Variants in FLVCR1 observed in about 807,000 individuals in gnomAD.
The protein encoded by FLVCR1 is choline/ethanolamine transporter FLVCR1.
FLVCR1 carries 34 observed loss-of-function variants against 53.6 expected under a neutral mutation model. The observed-to-expected ratio is 0.63, with a 90% CI of 0.48 to 0.84. The LOEUF (loss-of-function observed/expected upper bound fraction) is 0.84, where lower values mean the gene tolerates loss of function less well. FLVCR1 is among the 40% of genes least tolerant of loss of function. FLVCR1 has a pLI of 0.00. For missense variants in FLVCR1, 677 were observed against 696.7 expected, an observed-to-expected ratio of 0.97 and a Z score of 0.32; for synonymous variants, 300 against 286.3, an observed-to-expected ratio of 1.05 and a Z score of -0.48.
At chr1:212,882,952 T>A (rs1328860072) in intron 3 of FLVCR1, among the ~76,000 whole-genome samples, 2 of 152,168 alleles carry the variant, frequency 1.3e-5, no homozygotes, top group Non-Finnish European at 2.9e-5. Context: ...AAGTCTTTGA[T>A]ACAAAAAGGT....
Position 212,896,130 on chromosome 1 carries a change from C to CT in FLVCR1, c.*841dup, listed in dbSNP as rs1490260817. 7.0e-6 allele frequency: 1 copy of CT among 142,672 alleles called. No homozygotes were observed. The highest frequency in any genetic ancestry group is 6.8e-5 in the Admixed American group (1 of 14,694). 8.8% of individuals were successfully genotyped at this position (142,672 alleles called of 1,614,324 possible). The stretch of plus-strand genomic sequence containing the variant: ...CATTGCCTTTTTTTTCTTTTAAACT[C>CT]TCTTTTTTTTTTTTTCCTGATGTGT... On this transcript the variant is annotated 3_prime_UTR_variant, in exon 10 of 10. Transcript: ENST00000366971.
intron 5 of FLVCR1, 139 bp downstream of exon 5, chr1:212,885,535 A>C: frequency 1.8e-6 from 1 of 550,186 alleles, no homozygotes; most frequent in South Asian, 2.2e-5. Context: ...GGTTCTCTTC[A>C]CTTAACAAGT....
rs376377158 is a variant in FLVCR1, at chr1:212,858,746, G to T, written c.294G>T (p.Leu98=). Residue 98 remains leucine, a synonymous_variant, in exon 1 of 10, where the codon CTG becomes CTT. Coordinates refer to ENST00000366971, the MANE Select transcript of FLVCR1 (RefSeq NM_014053.4). ...AETPGAESSP[L]PLTALSPRRF... ...CCCCGGGGGCCGAGAGCAGCCCGCT[G>T]CCCCTTACGGCGCTCTCCCCGCGGC... The T allele has an allele frequency of 1.2e-6, 2 of 1,613,006 alleles. No individual in the cohort carries two copies. The highest frequency in any genetic ancestry group is 1.7e-6 in the Non-Finnish European group (2 of 1,179,772).
intron 8 of FLVCR1, among the ~76,000 whole-genome samples, chr1:212,893,071 G>T (rs1447587993): frequency 3.2e-4 from 47 of 148,310 alleles, no homozygotes; most frequent in Admixed American, 6.7e-4. Context: ...TTTTTGGGGG[G>T]GGGTGCCGGA....
Position 212,898,701 on chromosome 1 carries a change from T to G in FLVCR1, c.*3411T>G, listed in dbSNP as rs903000235. The G allele has an allele frequency of 6.6e-6, 1 of 152,252 alleles. No homozygotes were observed. Among genetic ancestry groups the G allele is most frequent in the Non-Finnish European group, 1.5e-5 (1 of 68,044 alleles). The allele number at this position is 152,252 out of a possible 1,614,324, so 9.4% of individuals were successfully genotyped here. A position where few individuals can be genotyped will look rare whatever the true frequency, so the allele number is the denominator to read the frequency against. ...GTAATGTGTGACTTCATGACAGAGC[T>G]ACATTCTGAGAAATTTGTCATTAGG... On this transcript the variant is annotated 3_prime_UTR_variant, in exon 10 of 10. Coordinates refer to ENST00000366971, the MANE Select transcript of FLVCR1 (RefSeq NM_014053.4).
At position 212,896,855 on chromosome 1, in the gene FLVCR1, T is replaced by TAAAAAAAAAA. The variant is rs774614268; in HGVS notation, c.*1589_*1598dup. ...CAACATGGTAAAACCCCATCTCTACTAAAAAAAAAAAAAAAAAAAAAAAAA... is the reference window on the plus strand; with the variant it reads ...CAACATGGTAAAACCCCATCTCTACTAAAAAAAAAAAAAAAAAAAAAAAAAAAAAAAAAAA... On this transcript the variant is annotated 3_prime_UTR_variant, in exon 10 of 10. Transcript: ENST00000366971. 9 of 17,110 alleles carry TAAAAAAAAAA rather than the reference T, an allele frequency of 5.3e-4. 2 individuals carry two copies. The highest frequency in any genetic ancestry group is 1.5e-3 in the African/African-American group (9 of 6,134). The allele number at this position is 17,110 out of a possible 1,614,324, so 1.1% of individuals were successfully genotyped here. A position where few individuals can be genotyped will look rare whatever the true frequency, so the allele number is the denominator to read the frequency against.
In FLVCR1 at chr1:212,899,231, G is replaced by C. The variant is rs1212845352; in HGVS notation, c.*3941G>C. On this transcript the variant is annotated 3_prime_UTR_variant, in exon 10 of 10. Coordinates refer to ENST00000366971, the MANE Select transcript of FLVCR1 (RefSeq NM_014053.4). ...TATGTTTGTGTGTAAAAATGTGTCTGTATGCAATAGCTAGAAAAATGCCTG... is the reference window on the plus strand; with the variant it reads ...TATGTTTGTGTGTAAAAATGTGTCTCTATGCAATAGCTAGAAAAATGCCTG... The C allele has an allele frequency of 1.3e-5, 2 of 152,164 alleles. No individual in the cohort carries two copies. The highest frequency in any genetic ancestry group is 2.9e-5 in the Non-Finnish European group (2 of 68,026). 9.4% of individuals were successfully genotyped at this position (152,164 alleles called of 1,614,324 possible).
chr1:212,889,341 C>G, intron 8 of FLVCR1, 84 bp downstream of exon 8: 1 of 849,410 alleles, frequency 1.2e-6, no homozygotes. Context: ...CTTGACAGAA[C>G]TCAAGGGGAA....
intron 1 of FLVCR1, among the ~76,000 whole-genome samples, chr1:212,861,905 C>T (rs1458174645): frequency 6.6e-6 from 1 of 152,008 alleles, no homozygotes; most frequent in Non-Finnish European, 1.5e-5. Flanking sequence ...CTCCTGACCT[C>T]GTGATCCCCC....
intron 2 of FLVCR1, among the ~76,000 whole-genome samples, chr1:212,868,233 G>C (rs1462053107): frequency 6.6e-6 from 1 of 152,032 alleles, no homozygotes; most frequent in Admixed American, 6.6e-5. Flanking sequence ...TGAGTAGCTG[G>C]GACTACAGGT....
chr1:212,867,079 G>A (rs140956974), intron 2 of FLVCR1, among the ~76,000 whole-genome samples: 1 of 152,250 alleles, frequency 6.6e-6, no homozygotes, highest in Non-Finnish European at 1.5e-5. Context: ...GTCCCACCAC[G>A]TCCTCATAAA....
Position 212,872,725 on chromosome 1 carries a change from C to G in FLVCR1, c.931C>G (p.Leu311Val), listed in dbSNP as rs772267199. Residue 311 changes from leucine (L) to valine (V), a missense_variant, in exon 3 of 10, where the codon CTT (leucine) becomes GTT (valine). Transcript: ENST00000366971. Reference sequence around the variant, plus strand: ...TCCACCAAGTCAGGCTCAAGCAGCTCTTCAAGACAGTCCCCCTGAAGAGTA... The same window carrying G: ...TCCACCAAGTCAGGCTCAAGCAGCTGTTCAAGACAGTCCCCCTGAAGAGTA... ...RYPPSQAQAALQDSPPEEYSY... is the reference protein window; with the variant it reads ...RYPPSQAQAAVQDSPPEEYSY... 2 of 1,613,716 alleles carry G rather than the reference C, an allele frequency of 1.2e-6. No individual in the cohort carries two copies. The highest frequency in any genetic ancestry group is 3.3e-5 in the Admixed American group (2 of 59,964).
rs1281151200 is a variant in FLVCR1 at position 212,872,944 on chromosome 1, G to A, written c.1024+126G>A. Reference sequence around the variant, plus strand: ...CCTGTTAACTCTACAGCATAATCATGAACTTAAACTAAAAGCAGAAAATCC... The same window carrying A: ...CCTGTTAACTCTACAGCATAATCATAAACTTAAACTAAAAGCAGAAAATCC... On this transcript the variant is annotated intron_variant, in intron 3 of 9. Transcript: ENST00000366971. 9 of 904,350 alleles carry A rather than the reference G, an allele frequency of 1.0e-5. No individual in the cohort carries two copies. The East Asian group carries it at 1.8e-4, about 18-fold the overall frequency. The allele number at this position is 904,350 out of a possible 1,614,324, so 56.0% of individuals were successfully genotyped here. A position where few individuals can be genotyped will look rare whatever the true frequency, so the allele number is the denominator to read the frequency against.
chr1:212,866,844 T>C (rs1263878471), intron 2 of FLVCR1, among the ~76,000 whole-genome samples: 2 of 152,196 alleles, frequency 1.3e-5, no homozygotes, highest in African/African-American at 4.8e-5. Context: ...AATTTTATGA[T>C]CCCAAGCATA....
chr1:212,886,411 AATT>A (rs1418999710), intron 5 of FLVCR1, among the ~76,000 whole-genome samples: 1 of 152,136 alleles, frequency 6.6e-6, no homozygotes, highest in Admixed American at 6.5e-5. Flanking sequence ...CCAATCAAAA[AATT>A]ATTGTTGAGC....
At chr1:212,866,815 C>G (rs1018975714) in intron 2 of FLVCR1, among the ~76,000 whole-genome samples, 4 of 152,100 alleles carry the variant, frequency 2.6e-5, no homozygotes, top group African/African-American at 4.8e-5. Context: ...TCAACTTTTG[C>G]TTGGAGGACT....
intron 6 of FLVCR1, 128 bp downstream of exon 6, chr1:212,888,129 T>A: frequency 1.5e-6 from 1 of 660,264 alleles, no homozygotes; most frequent in Admixed American, 2.7e-5. Context: ...AAAGGATTCA[T>A]TCTATGCATA....
intron 1 of FLVCR1, 74 bp downstream of exon 1, chr1:212,859,264 G>C (rs934089140): frequency 6.2e-7 from 1 of 1,601,594 alleles, no homozygotes; most frequent in South Asian, 1.1e-5. Flanking sequence ...GAGAACTATG[G>C]CCTGTATGGA....
rs1022163143 is a variant in FLVCR1 at position 212,895,738 on chromosome 1, T to C, written c.*448T>C. On this transcript the variant is annotated 3_prime_UTR_variant, in exon 10 of 10. Transcript: ENST00000366971. Reference sequence around the variant, plus strand: ...AACTAAATGTACAATATATTCCTAATTGGCTGCCTTTTTCACTGTGCTGAC... The same window carrying C: ...AACTAAATGTACAATATATTCCTAACTGGCTGCCTTTTTCACTGTGCTGAC... The C allele has an allele frequency of 1.4e-5, 3 of 216,408 alleles. No individual in the cohort carries two copies. Among genetic ancestry groups the C allele is most frequent in the Non-Finnish European group, 2.8e-5 (3 of 107,958 alleles). 13.4% of individuals were successfully genotyped at this position (216,408 alleles called of 1,614,324 possible). A position where few individuals can be genotyped will look rare whatever the true frequency, so the allele number is the denominator to read the frequency against.
Sources: gnomAD v4.1 joint callset for allele counts (sites outside exome capture counted in the v4.1 genomes callset) on GRCh38, gnomAD v4.1.1 for gene constraint, MANE v1.5 for transcripts, NCBI Gene and HGNC (gene_info 2026-07-23, HGNC 2026-07-21) for gene names.